The following PIK3C2G variants were observed in gnomAD, a reference collection of about 807,000 sequenced individuals.
PIK3C2G encodes phosphatidylinositol 3-kinase C2 domain-containing subunit gamma.
PIK3C2G carries 168 observed loss-of-function variants against 181.1 expected under a neutral mutation model. The ratio of observed to expected loss-of-function variants is 0.93; its 90% CI spans 0.82 to 1.05. The LOEUF (loss-of-function observed/expected upper bound fraction) is 1.05, where lower values mean the gene tolerates loss of function less well. Ranked by LOEUF, PIK3C2G falls within the 50% of genes least tolerant of loss-of-function variation. The pLI is 0.00. For synonymous variants in PIK3C2G, 573 were observed against 592.2 expected (o/e 0.97, Z 0.47); for missense variants, 1,869 against 1,732.8 (o/e 1.08, Z -1.40).
At chr12:18,690,071 A>G in the PIK3C2G span, among the ~76,000 whole-genome samples, 4 of 152,116 alleles carry the variant, frequency 2.6e-5, no homozygotes, top group African/African-American at 9.7e-5. Context: ...TTCCACCTTC[A>G]CTTTCTCAAT....
rs1372587933 is a variant in PIK3C2G at position 18,423,982 on chromosome 12, T to C, written c.2447T>C (p.Val816Ala). 6 of 1,611,744 alleles carry C rather than the reference T, an allele frequency of 3.7e-6. No individual in the cohort carries two copies. Among genetic ancestry groups the C allele is most frequent in the Non-Finnish European group, 5.1e-6 (6 of 1,178,876 alleles). Reference sequence around the variant, plus strand: ...GAATGGAACCTTGAGAGTCCTTTAGTGCAACTTCTACTCCACCGCTCCTTG... The same window carrying C: ...GAATGGAACCTTGAGAGTCCTTTAGCGCAACTTCTACTCCACCGCTCCTTG... ...KFEWNLESPL[V>A]QLLLHRSLQS... The change falls in exon 18 of 33, where the codon GTG (valine) becomes GCG (alanine). Residue 816 changes from valine (V) to alanine (A), a missense_variant. Physicochemically the swap from Val to Ala is moderately conservative, Grantham distance 64 (BLOSUM62 0). Coordinates refer to ENST00000538779, the MANE Select transcript of PIK3C2G (RefSeq NM_001288772.2).
chr12:18,424,374 T>C (rs1364744594), intron 18 of PIK3C2G, among the ~76,000 whole-genome samples: 2 of 152,214 alleles, frequency 1.3e-5, no homozygotes, highest in African/African-American at 2.4e-5. Flanking sequence ...GTTATGAGAC[T>C]GAATGTTTTT....
At chr12:18,684,109 T>C in the PIK3C2G span, 1 of 1,609,710 alleles carries the variant, frequency 6.2e-7, no homozygotes, top group Non-Finnish European at 8.5e-7. Flanking sequence ...GGTACAATCA[T>C]CTAACTTTTA....
At chr12:18,572,560 T>G (rs1327428358) in intron 29 of PIK3C2G, among the ~76,000 whole-genome samples, 2 of 151,726 alleles carry the variant, frequency 1.3e-5, no homozygotes, top group Non-Finnish European at 2.9e-5. Context: ...TCTACTCAGA[T>G]GTAATGTTGT....
At chr12:18,684,487 A>G in the PIK3C2G span, among the ~76,000 whole-genome samples, 1 of 152,022 alleles carries the variant, frequency 6.6e-6, no homozygotes, top group African/African-American at 2.4e-5. Flanking sequence ...ATGTTCTAAG[A>G]ATGGATCAAC....
chr12:18,593,183 T>C (rs1947176480), intron 29 of PIK3C2G, among the ~76,000 whole-genome samples: 1 of 151,924 alleles, frequency 6.6e-6, no homozygotes, highest in Admixed American at 6.6e-5. Flanking sequence ...TATTACCCCA[T>C]CCTAAGTTAG....
the PIK3C2G span, among the ~76,000 whole-genome samples, chr12:18,667,843 T>A: frequency 6.6e-6 from 1 of 152,184 alleles, no homozygotes; most frequent in Non-Finnish European, 1.5e-5. Context: ...TTCCACCACA[T>A]TGCTCTGCCT....
chr12:18,562,426 C>A (rs1034781910), intron 26 of PIK3C2G, among the ~76,000 whole-genome samples: 4 of 152,186 alleles, frequency 2.6e-5, no homozygotes, highest in African/African-American at 9.7e-5. Flanking sequence ...GCCACCGCGC[C>A]GGGCCACAAC....
chr12:18,712,069 T>G, the PIK3C2G span, among the ~76,000 whole-genome samples: 5 of 152,156 alleles, frequency 3.3e-5, no homozygotes, highest in Admixed American at 1.3e-4. Flanking sequence ...ATTTGTAAAT[T>G]TAATGTATTA....
chr12:18,684,086 A>T, the PIK3C2G span: 3 of 1,600,440 alleles, frequency 1.9e-6, no homozygotes, highest in Non-Finnish European at 2.6e-6. Flanking sequence ...TACACAAGTT[A>T]TATTTAAATG....
At chr12:18,625,697 T>A (rs1338631143) in intron 31 of PIK3C2G, among the ~76,000 whole-genome samples, 1 of 151,876 alleles carries the variant, frequency 6.6e-6, no homozygotes, top group Non-Finnish European at 1.5e-5. Context: ...TACATATAGC[T>A]CTTCCACTGT....
At chr12:18,484,026 A>T (rs371364074) in intron 18 of PIK3C2G, among the ~76,000 whole-genome samples, 2 of 152,304 alleles carry the variant, frequency 1.3e-5, no homozygotes, top group South Asian at 4.1e-4. Context: ...ACCAAACCGG[A>T]GGCCAAACCA....
At chr12:18,577,310 G>T (rs904644314) in intron 29 of PIK3C2G, among the ~76,000 whole-genome samples, 1 of 152,160 alleles carries the variant, frequency 6.6e-6, no homozygotes, top group Non-Finnish European at 1.5e-5. Context: ...GCTGCATGGG[G>T]ACATAAGACC....
chr12:18,650,722 A>ATATATATC (rs1950463896), downstream of PIK3C2G, among the ~76,000 whole-genome samples: 9 of 16,580 alleles, frequency 5.4e-4, no homozygotes, highest in South Asian at 5.8e-3. Flanking sequence ...CTATATATAT[A>ATATATATC]TATATATATA....
At chr12:18,596,192 C>G (rs1947350706) in intron 30 of PIK3C2G, among the ~76,000 whole-genome samples, 1 of 152,022 alleles carries the variant, frequency 6.6e-6, no homozygotes, top group Non-Finnish European at 1.5e-5. Flanking sequence ...TTTTTTCTCT[C>G]TTGTCCTTAT....
In PIK3C2G at chr12:18,578,682, G is replaced by A. The variant is rs376604373; in HGVS notation, c.4011+11625G>A. Among the ~76,000 whole-genome samples, 11 of 152,078 alleles carry A rather than the reference G, an allele frequency of 7.2e-5. No individual in the cohort carries two copies. In the East Asian group the frequency reaches 1.9e-3, roughly 27 times the overall value. ...CAGATTTTTAAAATCTTGTATTACC[G>A]ATACAGCTCCCTTTCTTCATATATA... On this transcript the variant is annotated intron_variant, in intron 29 of 32. Coordinates refer to ENST00000538779, the MANE Select transcript of PIK3C2G (RefSeq NM_001288772.2).
chr12:18,650,712 CTATATATATATATATATATATA>C (rs1157799425), downstream of PIK3C2G, among the ~76,000 whole-genome samples: 13 of 14,618 alleles, frequency 8.9e-4, no homozygotes, highest in South Asian at 3.5e-3. Context: ...GTGTATATAT[CTATATATATATATATATATATA>C]TATATATATA....
chr12:18,701,048 G>A, the PIK3C2G span, among the ~76,000 whole-genome samples: 134 of 151,148 alleles, frequency 8.9e-4, no homozygotes, highest in African/African-American at 3.2e-3. Flanking sequence ...GCAATGGCTC[G>A]ATCTCGGCTC....
intron 16 of PIK3C2G, among the ~76,000 whole-genome samples, chr12:18,402,467 T>C (rs1944299698): frequency 6.6e-6 from 1 of 152,172 alleles, no homozygotes; most frequent in South Asian, 2.1e-4. Flanking sequence ...GGAAACATGC[T>C]AAAAACATTG....
Sources: gnomAD v4.1 joint callset for allele counts (sites outside exome capture counted in the v4.1 genomes callset) on GRCh38, gnomAD v4.1.1 for gene constraint, MANE v1.5 for transcripts, NCBI Gene and HGNC (gene_info 2026-07-23, HGNC 2026-07-21) for gene names.